The following CAP2 variants were observed in gnomAD, a reference collection of about 807,000 sequenced individuals.
CAP2 encodes adenylyl cyclase-associated protein 2.
CAP2 carries 24 observed loss-of-function variants against 57.7 expected under a neutral mutation model. The ratio of observed to expected loss-of-function variants is 0.42; its 90% CI spans 0.30 to 0.58. The LOEUF is 0.58. Among genes scored for constraint, CAP2 ranks in the 20% least tolerant of loss-of-function variants. CAP2 has a pLI of 0.22. For missense variants in CAP2, 501 were observed against 590.3 expected, an observed-to-expected ratio of 0.85 and a Z score of 1.57; for synonymous variants, 194 against 207.2, an observed-to-expected ratio of 0.94 and a Z score of 0.55.
intron 12 of CAP2, among the ~76,000 whole-genome samples, chr6:17,553,453 G>A (rs983241690): frequency 6.6e-6 from 1 of 152,058 alleles, no homozygotes; most frequent in African/African-American, 2.4e-5. Context: ...CTAACACAGT[G>A]AAACCCCATC....
chr6:17,405,647 G>A (rs1326953867), intron 1 of CAP2, among the ~76,000 whole-genome samples: 1 of 152,158 alleles, frequency 6.6e-6, no homozygotes, highest in Non-Finnish European at 1.5e-5. Flanking sequence ...ATCTGTAAAT[G>A]TGTAGCTTTC....
intron 3 of CAP2, among the ~76,000 whole-genome samples, chr6:17,442,263 A>G (rs1045454507): frequency 6.6e-6 from 1 of 152,228 alleles, no homozygotes; most frequent in African/African-American, 2.4e-5. Context: ...CAAGTTGACC[A>G]TGAACTTAGT....
chr6:17,495,521 T>C (rs547360396), intron 4 of CAP2, among the ~76,000 whole-genome samples: 2 of 152,272 alleles, frequency 1.3e-5, no homozygotes, highest in African/African-American at 4.8e-5. Flanking sequence ...TACACACCGT[T>C]AGCCACACTT....
At chr6:17,398,992 A>G (rs887770860) in intron 1 of CAP2, among the ~76,000 whole-genome samples, 6 of 152,138 alleles carry the variant, frequency 3.9e-5, no homozygotes, top group Admixed American at 6.5e-5. Context: ...CATGGCAACC[A>G]CCATTCTACT....
At chr6:17,403,218 C>T (rs1309459798) in intron 1 of CAP2, among the ~76,000 whole-genome samples, 1 of 152,236 alleles carries the variant, frequency 6.6e-6, no homozygotes, top group Non-Finnish European at 1.5e-5. Flanking sequence ...TCTCATGCAT[C>T]AGCCTCCTGG....
intron 11 of CAP2, among the ~76,000 whole-genome samples, chr6:17,543,989 G>T (rs898395936): frequency 5.9e-5 from 9 of 152,038 alleles, no homozygotes; most frequent in African/African-American, 2.2e-4. Flanking sequence ...GCCGGGTGGG[G>T]TGGTGGGTGC....
chr6:17,488,163 C>T (rs1295136473), intron 4 of CAP2, among the ~76,000 whole-genome samples: 1 of 152,180 alleles, frequency 6.6e-6, no homozygotes, highest in Admixed American at 6.5e-5. Context: ...CCACCTCGGC[C>T]TTCCAAAGAG....
chr6:17,393,946 G>GGGGCGC (rs989552022), intron 1 of CAP2, among the ~76,000 whole-genome samples, 200 bp downstream of exon 1: 27 of 147,550 alleles, frequency 1.8e-4, no homozygotes, highest in African/African-American at 4.4e-4. Context: ...ACCCGGGCGC[G>GGGGCGC]GGGCGCGGGC....
chr6:17,414,300 A>T (rs925295904), intron 1 of CAP2, among the ~76,000 whole-genome samples: 3 of 151,922 alleles, frequency 2.0e-5, no homozygotes, highest in African/African-American at 7.3e-5. Flanking sequence ...AAAACACTTT[A>T]AAAAATGGGA....
chr6:17,516,973 TGAGAA>T (rs1220149864), intron 7 of CAP2, among the ~76,000 whole-genome samples: 1 of 152,220 alleles, frequency 6.6e-6, no homozygotes, highest in East Asian at 1.9e-4. Flanking sequence ...TTGTGACTTT[TGAGAA>T]GAGAATTCAA....
chr6:17,454,650 G>T (rs1581532705), intron 3 of CAP2, among the ~76,000 whole-genome samples: 1 of 152,216 alleles, frequency 6.6e-6, no homozygotes, highest in Non-Finnish European at 1.5e-5. Context: ...GCTTAACTCT[G>T]CTCACTTGTC....
At chr6:17,501,170 T>A (rs925644702) in intron 4 of CAP2, among the ~76,000 whole-genome samples, 1 of 152,216 alleles carries the variant, frequency 6.6e-6, no homozygotes, top group African/African-American at 2.4e-5. Context: ...TTTGTTTTCA[T>A]TGAACTGTTT....
chr6:17,474,186 T>G (rs979386042), intron 4 of CAP2, among the ~76,000 whole-genome samples: 1,079 of 23,330 alleles, frequency 0.046, 14 homozygotes, highest in African/African-American at 0.26. Flanking sequence ...AAAAACAGTC[T>G]TTTTTTTTTT....
At chr6:17,408,477 T>G (rs1347667446) in intron 1 of CAP2, among the ~76,000 whole-genome samples, 1 of 151,954 alleles carries the variant, frequency 6.6e-6, no homozygotes, top group Non-Finnish European at 1.5e-5. Flanking sequence ...ACCTCCCACC[T>G]CCCATTAGGC....
intron 1 of CAP2, among the ~76,000 whole-genome samples, chr6:17,401,117 A>T (rs543180254): frequency 1.3e-5 from 2 of 152,236 alleles, no homozygotes; most frequent in African/African-American, 4.8e-5. Flanking sequence ...TCCTCCCAAA[A>T]TTCTTATGTT....
rs3075206 is a variant in CAP2 at position 17,443,574 on chromosome 6, G to GACACACACAC, written c.222+16895_222+16904dup. Among the ~76,000 whole-genome samples the GACACACACAC allele has an allele frequency of 5.6e-3, 848 of 150,126 alleles. 8 individuals are homozygous for GACACACACAC. Among genetic ancestry groups the GACACACACAC allele is most frequent in the East Asian group, 0.026 (130 of 5,008 alleles). Reference sequence around the variant, plus strand: ...TGCACCCATTCCCACAAAACACACAGACACACACACACACACACACGTGCG... The same window carrying GACACACACAC: ...TGCACCCATTCCCACAAAACACACAGACACACACACACACACACACACACACACACGTGCG... On this transcript the variant is annotated intron_variant, in intron 3 of 12. Coordinates refer to ENST00000229922, the MANE Select transcript of CAP2 (RefSeq NM_006366.3).
At position 17,548,511 on chromosome 6, in the gene CAP2, G is replaced by C. The variant is rs562480936; in HGVS notation, c.1210-2953G>C. On this transcript the variant is annotated intron_variant, in intron 11 of 12. Coordinates refer to ENST00000229922, the MANE Select transcript of CAP2 (RefSeq NM_006366.3). ...GAAATGGGAGATAGTTACAAAGAAT[G>C]CAAGAGTGATGTTGTAAGTAAATGG... Among the ~76,000 whole-genome samples the C allele has an allele frequency of 4.6e-5, 7 of 152,308 alleles. No homozygotes were observed. The East Asian group carries it at 1.3e-3, about 29-fold the overall frequency.
intron 7 of CAP2, among the ~76,000 whole-genome samples, chr6:17,533,098 A>AAAAAAAAAAT (rs3076062): frequency 7.4e-6 from 1 of 134,540 alleles, no homozygotes; most frequent in African/African-American, 2.6e-5. Flanking sequence ...AAAAAAAAAA[A>AAAAAAAAAAT]GAACTTGGAA....
At chr6:17,421,534 T>C in intron 1 of CAP2, 21 bp from the exon 2 acceptor site, 1 of 1,614,134 alleles carries the variant, frequency 6.2e-7, no homozygotes, top group Non-Finnish European at 8.5e-7. Flanking sequence ...GCAGCCTCCA[T>C]TTGTGCCTGT....
Sources: allele counts gnomAD v4.1 joint callset (sites outside exome capture counted in the v4.1 genomes callset), GRCh38; gene constraint gnomAD v4.1.1; transcripts MANE v1.5; gene names NCBI Gene and HGNC (gene_info 2026-07-23, HGNC 2026-07-21).